CNTNAP2: variants seen among roughly 807,000 people sequenced by gnomAD.
The protein encoded by CNTNAP2 is contactin-associated protein-like 2.
Under a neutral mutation model 155.2 loss-of-function variants are expected in CNTNAP2, and 98 were observed. That is an observed-to-expected ratio of 0.63 (90% CI 0.54 to 0.75). The LOEUF is 0.75. Among genes scored for constraint, CNTNAP2 ranks in the 30% least tolerant of loss-of-function variants. The pLI is 0.00. For synonymous variants in CNTNAP2, 651 were observed against 631.2 expected (o/e 1.03, Z -0.47); for missense variants, 1,727 against 1,688.1 (o/e 1.02, Z -0.40).
chr7:147,686,409 G>T (rs749308281), intron 13 of CNTNAP2, among the ~76,000 whole-genome samples: 1 of 152,032 alleles, frequency 6.6e-6, no homozygotes, highest in African/African-American at 2.4e-5. Context: ...ATATCCAAGT[G>T]AGTACTACTC....
At chr7:147,581,279 T>C (rs1198637799) in intron 12 of CNTNAP2, among the ~76,000 whole-genome samples, 1 of 152,226 alleles carries the variant, frequency 6.6e-6, no homozygotes, top group Non-Finnish European at 1.5e-5. Context: ...ATTATATTTT[T>C]AACAGATCTT....
In CNTNAP2 at chr7:146,796,056, C is replaced by A. The variant is rs78323691; in HGVS notation, c.208+21675C>A. Among the ~76,000 whole-genome samples the A allele has an allele frequency of 7.9e-3, 1,207 of 152,232 alleles. 24 individuals carry two copies. The highest frequency in any genetic ancestry group is 0.076 in the East Asian group (395 of 5,186). On this transcript the variant is annotated intron_variant, in intron 2 of 23. Transcript: ENST00000361727. ...AGTCATAGAAGAATACATACAATGT[C>A]ATTTCACTTACATAAAATCCAAAAA...
intron 1 of CNTNAP2, among the ~76,000 whole-genome samples, chr7:146,250,749 C>T (rs1449664280): frequency 6.6e-6 from 1 of 152,074 alleles, no homozygotes; most frequent in Non-Finnish European, 1.5e-5. Flanking sequence ...GGTATCTCTG[C>T]TGGTGGTGGG....
At chr7:148,374,196 A>G (rs866627634) in intron 21 of CNTNAP2, among the ~76,000 whole-genome samples, 4 of 151,132 alleles carry the variant, frequency 2.6e-5, no homozygotes, top group African/African-American at 9.7e-5. Flanking sequence ...TCCTCAAAGG[A>G]TTTTTTTTTC....
intron 15 of CNTNAP2, among the ~76,000 whole-genome samples, chr7:148,093,341 A>T (rs777173610): frequency 2.6e-5 from 4 of 152,232 alleles, no homozygotes; most frequent in Non-Finnish European, 4.4e-5. Context: ...AAATGTGTTT[A>T]ACATTTTTAC....
chr7:148,210,297 T>TTAGCTG (rs1425626593), intron 18 of CNTNAP2, among the ~76,000 whole-genome samples: 1 of 152,332 alleles, frequency 6.6e-6, no homozygotes, highest in East Asian at 1.9e-4. Flanking sequence ...TTAGATGAAG[T>TTAGCTG]TAGCTGTAGT....
chr7:147,348,164 G>A (rs541695598), intron 9 of CNTNAP2, among the ~76,000 whole-genome samples: 7 of 151,896 alleles, frequency 4.6e-5, no homozygotes, highest in Non-Finnish European at 8.8e-5. Context: ...TAAGGAAAAT[G>A]AGATTATATC....
At chr7:147,903,245 CAT>C (rs1410744229) in intron 13 of CNTNAP2, among the ~76,000 whole-genome samples, 7 of 152,060 alleles carry the variant, frequency 4.6e-5, no homozygotes, top group African/African-American at 1.4e-4. Context: ...AGCATTTTTT[CAT>C]ATGTTTGTTG....
At chr7:147,602,332 T>C (rs1389352577) in intron 12 of CNTNAP2, among the ~76,000 whole-genome samples, 1 of 151,274 alleles carries the variant, frequency 6.6e-6, no homozygotes, top group Non-Finnish European at 1.5e-5. Flanking sequence ...CTAATGTTTG[T>C]TTATTAGGCA....
chr7:148,406,186 C>T (rs1483375467), intron 22 of CNTNAP2, among the ~76,000 whole-genome samples: 4 of 151,776 alleles, frequency 2.6e-5, no homozygotes, highest in African/African-American at 7.3e-5. Context: ...GAGCTGAGAT[C>T]GCGCCACTGC....
rs182248922 is a variant in CNTNAP2, at chr7:147,711,786, G to T, written c.2098+72480G>T. On this transcript the variant is annotated intron_variant, in intron 13 of 23. Transcript: ENST00000361727. Reference sequence around the variant, plus strand: ...AAGATGTCAATTCAAAAGCCACAAAGTTCTGCAACATAAATACTGTACTGA... The same window carrying T: ...AAGATGTCAATTCAAAAGCCACAAATTTCTGCAACATAAATACTGTACTGA... Among the ~76,000 whole-genome samples the T allele has an allele frequency of 1.2e-3, 183 of 152,290 alleles. 1 individual carries two copies. Among genetic ancestry groups the T allele is most frequent in the Non-Finnish European group, 2.1e-3 (145 of 68,026 alleles).
At chr7:147,947,014 G>A (rs755610722) in intron 14 of CNTNAP2, among the ~76,000 whole-genome samples, 43 of 152,014 alleles carry the variant, frequency 2.8e-4, no homozygotes, top group Non-Finnish European at 5.9e-4. Context: ...TGACTTACAG[G>A]GGAAATGAAT....
At chr7:146,515,916 A>T (rs1394064823) in intron 1 of CNTNAP2, among the ~76,000 whole-genome samples, 1 of 152,074 alleles carries the variant, frequency 6.6e-6, no homozygotes, top group African/African-American at 2.4e-5. Context: ...TTCCTATCTC[A>T]ATATGTCAGT....
At chr7:147,927,250 C>T (rs1314360923) in intron 14 of CNTNAP2, among the ~76,000 whole-genome samples, 1 of 152,098 alleles carries the variant, frequency 6.6e-6, no homozygotes, top group Non-Finnish European at 1.5e-5. Flanking sequence ...GCCTGCCAGC[C>T]ACACCTCTGC....
At chr7:147,969,755 A>G (rs1801297848) in intron 14 of CNTNAP2, among the ~76,000 whole-genome samples, 1 of 152,166 alleles carries the variant, frequency 6.6e-6, no homozygotes, top group Non-Finnish European at 1.5e-5. Flanking sequence ...GGCTTGAGTT[A>G]TAGGTTTCCT....
intron 14 of CNTNAP2, among the ~76,000 whole-genome samples, chr7:147,960,094 T>G (rs1451597407): frequency 6.6e-6 from 1 of 152,156 alleles, no homozygotes; most frequent in African/African-American, 2.4e-5. Flanking sequence ...CCTAGTAGGC[T>G]GCCATTCCCA....
intron 13 of CNTNAP2, among the ~76,000 whole-genome samples, chr7:147,644,004 G>T (rs1243734335): frequency 1.3e-5 from 2 of 152,076 alleles, no homozygotes; most frequent in South Asian, 2.1e-4. Context: ...TAAAAATAAT[G>T]ATTTTGCCAG....
chr7:147,950,281 T>A (rs1188699739), intron 14 of CNTNAP2, among the ~76,000 whole-genome samples: 1 of 131,584 alleles, frequency 7.6e-6, no homozygotes, highest in Non-Finnish European at 1.5e-5. Context: ...GCACATCAGA[T>A]AAATATGATG....
intron 13 of CNTNAP2, among the ~76,000 whole-genome samples, chr7:147,734,131 A>G (rs1172930468): frequency 6.6e-6 from 1 of 152,194 alleles, no homozygotes; most frequent in African/African-American, 2.4e-5. Flanking sequence ...TTGCCCATTC[A>G]GTATGATATT....
Sources: allele counts gnomAD v4.1 joint callset (sites outside exome capture counted in the v4.1 genomes callset), GRCh38; gene constraint gnomAD v4.1.1; transcripts MANE v1.5; gene names NCBI Gene and HGNC (gene_info 2026-07-23, HGNC 2026-07-21).